The following TNFAIP8L3 variants were observed in gnomAD, a reference collection of about 807,000 sequenced individuals.
The protein encoded by TNFAIP8L3 is TNF alpha induced protein 8 like 3, also known as tumor necrosis factor alpha-induced protein 8-like protein 3.
Under a neutral mutation model 11.8 loss-of-function variants are expected in TNFAIP8L3, and 7 were observed. The observed-to-expected ratio is 0.59, with a 90% confidence interval of 0.34 to 1.11. The LOEUF is 1.11. TNFAIP8L3 is among the 50% of genes most tolerant of loss of function. The pLI is 0.03. For synonymous variants in TNFAIP8L3, 98 were observed against 103.8 expected, an observed-to-expected ratio of 0.94 and a Z score of 0.34; for missense variants, 219 against 258.6, an observed-to-expected ratio of 0.85 and a Z score of 1.05.
At chr15:51,087,919 T>TTATATATATATATATATATATATA (rs6145560) in intron 1 of TNFAIP8L3, among the ~76,000 whole-genome samples, 1,110 of 101,116 alleles carry the variant, frequency 0.011, 58 homozygotes, top group Admixed American at 0.035. Flanking sequence ...TAGCATACCT[T>TTATATATATATATATATATATATA]TATATATATA....
At chr15:51,089,157 T>G (rs1361107484) in intron 1 of TNFAIP8L3, among the ~76,000 whole-genome samples, 1 of 152,118 alleles carries the variant, frequency 6.6e-6, no homozygotes, top group Admixed American at 6.6e-5. Flanking sequence ...AAATAAACCT[T>G]GTACATGCTG....
intron 1 of TNFAIP8L3, among the ~76,000 whole-genome samples, chr15:51,065,261 T>C (rs948279985): frequency 1.3e-5 from 2 of 152,174 alleles, no homozygotes; most frequent in African/African-American, 4.8e-5. Flanking sequence ...ACCAGGACTA[T>C]GTTGGGAGAA....
At chr15:51,102,058 T>C (rs974756920) in intron 1 of TNFAIP8L3, among the ~76,000 whole-genome samples, 1 of 152,126 alleles carries the variant, frequency 6.6e-6, no homozygotes, top group African/African-American at 2.4e-5. Context: ...AAGAAAGTGT[T>C]TTTTAATGAT....
At chr15:51,077,262 C>T (rs2065358841) in intron 1 of TNFAIP8L3, among the ~76,000 whole-genome samples, 1 of 152,222 alleles carries the variant, frequency 6.6e-6, no homozygotes, top group Non-Finnish European at 1.5e-5. Flanking sequence ...CCTGTGTTGG[C>T]CTCAGTGCCC....
intron 1 of TNFAIP8L3, among the ~76,000 whole-genome samples, chr15:51,091,061 C>CA (rs2065465509): frequency 6.6e-6 from 1 of 152,056 alleles, no homozygotes; most frequent in African/African-American, 2.4e-5. Context: ...GAAAGAGTGC[C>CA]AAGTTGGGTC....
chr15:51,100,797 T>C (rs1009327833), intron 1 of TNFAIP8L3, among the ~76,000 whole-genome samples: 8 of 151,346 alleles, frequency 5.3e-5, no homozygotes, highest in African/African-American at 1.9e-4. Context: ...CATGACTGGA[T>C]GGATGTCCTT....
intron 1 of TNFAIP8L3, among the ~76,000 whole-genome samples, chr15:51,067,220 G>T (rs116224407): frequency 2.0e-5 from 3 of 152,202 alleles, no homozygotes; most frequent in African/African-American, 7.2e-5. Context: ...GTTAGGGAAT[G>T]GATTTTTCAG....
At chr15:51,085,316 T>A (rs1324354545) in intron 1 of TNFAIP8L3, among the ~76,000 whole-genome samples, 1 of 152,192 alleles carries the variant, frequency 6.6e-6, no homozygotes, top group East Asian at 1.9e-4. Flanking sequence ...TCACTGGGCA[T>A]CTGTAAAACC....
At chr15:51,081,446 G>C (rs2065391733) in intron 1 of TNFAIP8L3, among the ~76,000 whole-genome samples, 1 of 152,202 alleles carries the variant, frequency 6.6e-6, no homozygotes, top group African/African-American at 2.4e-5. Context: ...TGACTCATGA[G>C]AGAATGGACT....
chr15:51,103,383 C>A (rs780206732), intron 1 of TNFAIP8L3, among the ~76,000 whole-genome samples: 3 of 152,204 alleles, frequency 2.0e-5, no homozygotes, highest in Non-Finnish European at 4.4e-5. Flanking sequence ...CCTTCCATGG[C>A]CAAGGATATC....
chr15:51,086,143 C>T (rs1204398765), intron 1 of TNFAIP8L3, among the ~76,000 whole-genome samples: 1 of 152,204 alleles, frequency 6.6e-6, no homozygotes, highest in Admixed American at 6.5e-5. Flanking sequence ...GCTTAGGACC[C>T]AGCTTAAGCA....
At chr15:51,085,971 A>G (rs1250243261) in intron 1 of TNFAIP8L3, among the ~76,000 whole-genome samples, 1 of 152,194 alleles carries the variant, frequency 6.6e-6, no homozygotes, top group Admixed American at 6.5e-5. Context: ...CTAAGCGACA[A>G]TGCTTGAAAC....
At chr15:51,092,473 A>G (rs2065478613) in intron 1 of TNFAIP8L3, among the ~76,000 whole-genome samples, 1 of 152,268 alleles carries the variant, frequency 6.6e-6, no homozygotes, top group Non-Finnish European at 1.5e-5. Flanking sequence ...ACAGGAGAAT[A>G]CTTTAAGATG....
At chr15:51,102,647 G>T (rs1456227631) in intron 1 of TNFAIP8L3, among the ~76,000 whole-genome samples, 2 of 152,172 alleles carry the variant, frequency 1.3e-5, no homozygotes, top group South Asian at 2.1e-4. Context: ...ATCTAGAAAG[G>T]TGAAGTGGTT....
intron 1 of TNFAIP8L3, among the ~76,000 whole-genome samples, chr15:51,087,338 C>T (rs974025854): frequency 1.3e-5 from 2 of 152,188 alleles, no homozygotes; most frequent in East Asian, 1.9e-4. Flanking sequence ...ACCTACCTCC[C>T]GTATTTGACT....
At chr15:51,069,488 C>T (rs2065293509) in intron 1 of TNFAIP8L3, 1 of 152,176 alleles carries the variant, frequency 6.6e-6, no homozygotes, top group Non-Finnish European at 1.5e-5. Flanking sequence ...CTTTCCCCTA[C>T]CCCAATTCCT....
intron 1 of TNFAIP8L3, among the ~76,000 whole-genome samples, chr15:51,101,849 G>A (rs1335812009): frequency 1.3e-5 from 2 of 149,700 alleles, no homozygotes; most frequent in African/African-American, 4.9e-5. Flanking sequence ...GGGAGGCTGA[G>A]GCAAGAGAAT....
chr15:51,060,698 C>G (rs1172189843), intron 1 of TNFAIP8L3, among the ~76,000 whole-genome samples: 1 of 152,200 alleles, frequency 6.6e-6, no homozygotes, highest in African/African-American at 2.4e-5. Flanking sequence ...CTGTTTAACC[C>G]TTTGGGCTGG....
chr15:51,073,197 T>C (rs1014948836), intron 1 of TNFAIP8L3, among the ~76,000 whole-genome samples: 4 of 152,234 alleles, frequency 2.6e-5, no homozygotes, highest in African/African-American at 9.6e-5. Context: ...GGTTCCTCCA[T>C]GTTGGTCAGG....
Sources: gnomAD v4.1 joint callset for allele counts (sites outside exome capture counted in the v4.1 genomes callset) on GRCh38, gnomAD v4.1.1 for gene constraint, MANE v1.5 for transcripts, NCBI Gene and HGNC (gene_info 2026-07-23, HGNC 2026-07-21) for gene names.